MYLK4: variants seen among roughly 807,000 people sequenced by gnomAD.
The protein encoded by MYLK4 is caMLCK like.
Under a neutral mutation model 48.1 loss-of-function variants are expected in MYLK4, and 46 were observed. That is an observed-to-expected ratio of 0.96 (90% CI 0.75 to 1.22). MYLK4 has a LOEUF of 1.22. Among genes scored for constraint, MYLK4 ranks in the 50% most tolerant of loss-of-function variants. MYLK4 has a pLI of 0.00. For synonymous variants in MYLK4, 170 were observed against 180.8 expected, an observed-to-expected ratio of 0.94 and a Z score of 0.48; for missense variants, 451 against 486.1, an observed-to-expected ratio of 0.93 and a Z score of 0.68.
At chr6:2,711,266 T>C (rs1762664704) in intron 2 of MYLK4, among the ~76,000 whole-genome samples, 2 of 152,216 alleles carry the variant, frequency 1.3e-5, no homozygotes. Flanking sequence ...AGAAACTCAA[T>C]TGCAGAAATT....
intron 3 of MYLK4, among the ~76,000 whole-genome samples, chr6:2,690,615 C>T (rs1761741874): frequency 6.6e-6 from 1 of 152,008 alleles, no homozygotes. Context: ...CAGCACGCTC[C>T]CCATCAAGTC....
At chr6:2,698,372 C>T (rs1762149160) in intron 2 of MYLK4, among the ~76,000 whole-genome samples, 1 of 152,154 alleles carries the variant, frequency 6.6e-6, no homozygotes, top group Non-Finnish European at 1.5e-5. Flanking sequence ...AGGGGGTTAT[C>T]AGGATAAGAA....
intron 8 of MYLK4, among the ~76,000 whole-genome samples, chr6:2,679,886 C>T (rs776547233): frequency 5.9e-5 from 9 of 152,180 alleles, no homozygotes; most frequent in Non-Finnish European, 8.8e-5. Context: ...AACTTGCTTA[C>T]GTTGTTAATA....
chr6:2,688,841 C>T lies in MYLK4; in HGVS notation c.341+10G>A. The stretch of plus-strand genomic sequence containing the variant: ...TTGTTGAGAGAATATTAACATTCAG[C>T]CTTACTCACCCTCCTAGGATTTCTG... On this transcript the variant is annotated intron_variant, in intron 4 of 12. Coordinates refer to ENST00000274643, the MANE Select transcript of MYLK4 (RefSeq NM_001012418.5). 6.2e-7 allele frequency: 1 copy of T among 1,606,856 alleles called. No homozygotes were observed. The highest frequency in any genetic ancestry group is 8.5e-7 in the Non-Finnish European group (1 of 1,173,550).
In MYLK4 at chr6:2,685,438, C is replaced by T; in HGVS notation, c.436-33G>A. Reference sequence around the variant, plus strand: ...GCAGGAAACAGTGCATTAGTGTGGTCAAGATGGGGCGGGGAGGGAGGGGAC... The same window carrying T: ...GCAGGAAACAGTGCATTAGTGTGGTTAAGATGGGGCGGGGAGGGAGGGGAC... On this transcript the variant is annotated intron_variant, in intron 5 of 12. Coordinates refer to ENST00000274643, the MANE Select transcript of MYLK4 (RefSeq NM_001012418.5). The surrounding 1 kb of genome is among the most constrained non-coding windows in gnomAD (Gnocchi z 4.5). 1 of 898,206 alleles carries T rather than the reference C, an allele frequency of 1.1e-6. No homozygotes were observed. The highest frequency in any genetic ancestry group is 4.5e-5 in the East Asian group (1 of 22,446). The allele number at this position is 898,206 out of a possible 1,614,324, so 55.6% of individuals were successfully genotyped here. A position where few individuals can be genotyped will look rare whatever the true frequency, so the allele number is the denominator to read the frequency against.
At chr6:2,669,084 A>G (rs1353404448) in intron 12 of MYLK4, among the ~76,000 whole-genome samples, 1 of 151,546 alleles carries the variant, frequency 6.6e-6, no homozygotes, top group East Asian at 2.0e-4. Context: ...AAAAAAAAAC[A>G]AAAACAAAAC....
chr6:2,770,222 C>A, the MYLK4 span: 4 of 1,614,164 alleles, frequency 2.5e-6, no homozygotes, highest in Non-Finnish European at 3.4e-6. Context: ...GAGCCGCTGT[C>A]GAGTGATTGT....
At position 2,667,636 on chromosome 6, in the gene MYLK4, T is replaced by A. The variant is rs12200516; in HGVS notation, c.*289A>T. The A allele has an allele frequency of 0.38, 57,624 of 152,134 alleles. 11,171 individuals are homozygous for A. Among genetic ancestry groups the A allele is most frequent in the Non-Finnish European group, 0.4 (27,317 of 67,862 alleles). 9.4% of individuals were successfully genotyped at this position (152,134 alleles called of 1,614,324 possible). On this transcript the variant is annotated 3_prime_UTR_variant, in exon 13 of 13. Transcript: ENST00000274643. ...AGTGACTAAGATCAAAAAATTTTTT[T>A]AAAAAAGTAAAAAATCTCAAGATGG...
At chr6:2,733,785 C>G (rs1397978602) in intron 2 of MYLK4, among the ~76,000 whole-genome samples, 1 of 152,120 alleles carries the variant, frequency 6.6e-6, no homozygotes, top group Non-Finnish European at 1.5e-5. Context: ...ACGAACCACA[C>G]TTCTCATGAG....
the MYLK4 span, among the ~76,000 whole-genome samples, chr6:2,768,460 G>C: frequency 6.6e-6 from 1 of 152,202 alleles, no homozygotes; most frequent in Non-Finnish European, 1.5e-5. Context: ...GAGGAGAAAA[G>C]GTCAGGATTA....
Position 2,683,158 on chromosome 6 carries a change from C to T in MYLK4, c.550G>A (p.Asp184Asn), listed in dbSNP as rs914969070. 8.1e-6 allele frequency: 13 copies of T among 1,614,050 alleles called. No individual in the cohort carries two copies. In the African/African-American group the frequency reaches 1.2e-4, roughly 15 times the overall value. The change falls in exon 7 of 13, where the codon GAT (aspartate) becomes AAT (asparagine). Residue 184 changes from aspartate to asparagine, a missense_variant. Transcript: ENST00000274643. Reference protein sequence around the residue: ...NDIVLVMEYVDGGELFDRIID... With the variant: ...NDIVLVMEYVNGGELFDRIID... ...ATGCGGTCAAACAGCTCCCCACCAT[C>T]CACACTGCAGAGGGAAGAGGACTGA...
chr6:2,750,714 A>G (rs571628113), intron 1 of MYLK4, 22 bp downstream of exon 1: 1 of 152,370 alleles, frequency 6.6e-6, no homozygotes, highest in African/African-American at 2.4e-5. Context: ...GAGAGGTTAT[A>G]ACAATAAACA....
rs1003724653 is a variant in MYLK4 at position 2,683,068 on chromosome 6, C to T, written c.640G>A (p.Gly214Arg). The change falls in exon 7 of 13, where the codon GGG becomes AGG. Residue 214 changes from glycine to arginine, a missense_variant. Coordinates refer to ENST00000274643, the MANE Select transcript of MYLK4 (RefSeq NM_001012418.5). ...TILFMKQICEGIRHMHQMYIL... is the reference protein window; with the variant it reads ...TILFMKQICERIRHMHQMYIL... Reference sequence around the variant, plus strand: ...TACATCTGATGCATGTGCCTTATCCCCTCACATATCTGCTTCATGAACAGG... The same window carrying T: ...TACATCTGATGCATGTGCCTTATCCTCTCACATATCTGCTTCATGAACAGG... 1 of 1,614,106 alleles carries T rather than the reference C, an allele frequency of 6.2e-7. No homozygotes were observed.
chr6:2,763,029 C>T, the MYLK4 span, among the ~76,000 whole-genome samples: 5 of 152,348 alleles, frequency 3.3e-5, no homozygotes, highest in South Asian at 2.1e-4. Flanking sequence ...CCATCGCCAG[C>T]TCTAGCAGCC....
At chr6:2,683,387 C>CTTTTTTTTT (rs138132269) in intron 6 of MYLK4, among the ~76,000 whole-genome samples, 1 of 86,204 alleles carries the variant, frequency 1.2e-5, no homozygotes. Flanking sequence ...AACTCCCCAC[C>CTTTTTTTTT]TTTTTGTGTG....
At chr6:2,689,086 T>C in intron 3 of MYLK4, 130 bp from the exon 4 acceptor site, 3 of 690,178 alleles carry the variant, frequency 4.3e-6, no homozygotes, top group South Asian at 3.4e-5. Flanking sequence ...GTTTGATTCC[T>C]AATGATCCAG....
chr6:2,720,692 A>G (rs1763038082), intron 2 of MYLK4, among the ~76,000 whole-genome samples: 1 of 152,160 alleles, frequency 6.6e-6, no homozygotes, highest in South Asian at 2.1e-4. Flanking sequence ...AATTAAGACT[A>G]TGATAGTAGA....
At chr6:2,704,080 T>G (rs191050254) in intron 2 of MYLK4, among the ~76,000 whole-genome samples, 1 of 152,324 alleles carries the variant, frequency 6.6e-6, no homozygotes, top group Non-Finnish European at 1.5e-5. Context: ...CATTTCTGAC[T>G]CCCTCAAGGC....
chr6:2,723,568 T>A (rs1301287001), intron 2 of MYLK4, among the ~76,000 whole-genome samples: 11 of 152,264 alleles, frequency 7.2e-5, no homozygotes, highest in Admixed American at 7.2e-4. Flanking sequence ...GGGTCTGCGT[T>A]TGCTCTTTCA....
Sources: allele counts gnomAD v4.1 joint callset (sites outside exome capture counted in the v4.1 genomes callset), GRCh38; gene constraint gnomAD v4.1.1; non-coding constraint Gnocchi (gnomAD v3.1); transcripts MANE v1.5; gene names NCBI Gene and HGNC (gene_info 2026-07-23, HGNC 2026-07-21).